CTNND2: variants seen among roughly 807,000 people sequenced by gnomAD.
CTNND2 encodes the protein catenin delta-2.
In CTNND2, 22 loss-of-function variants were observed where a neutral mutation model predicts 144.4. That is an observed-to-expected ratio of 0.15 (90% CI 0.11 to 0.22). The LOEUF is 0.22. Ranked by LOEUF, CTNND2 falls within the 10% of genes least tolerant of loss-of-function variation. The pLI, the probability that CTNND2 is intolerant of heterozygous loss-of-function variation, is 1.00. For missense variants in CTNND2, 1,353 were observed against 1,618.8 expected (o/e 0.84, Z 2.82); for synonymous variants, 751 against 695.6 (o/e 1.08, Z -1.25).
At chr5:11,325,453 T>C (rs777785690) in intron 9 of CTNND2, among the ~76,000 whole-genome samples, 1 of 152,214 alleles carries the variant, frequency 6.6e-6, no homozygotes, top group Non-Finnish European at 1.5e-5. Flanking sequence ...AATTGTGATA[T>C]GCAATTATGA....
chr5:11,088,143 G>T (rs1198561200), intron 15 of CTNND2, among the ~76,000 whole-genome samples: 1 of 152,192 alleles, frequency 6.6e-6, no homozygotes, highest in Non-Finnish European at 1.5e-5. Flanking sequence ...TGTGCAACTG[G>T]TATCTAGAAA....
chr5:11,762,896 A>T (rs1487256509), intron 1 of CTNND2, among the ~76,000 whole-genome samples: 2 of 152,248 alleles, frequency 1.3e-5, no homozygotes, highest in Non-Finnish European at 2.9e-5. Context: ...TCTAAAATAC[A>T]GAACTCCTTT....
Position 11,857,787 on chromosome 5 carries a change from A to G in CTNND2, c.37+46030T>C, listed in dbSNP as rs116315847. On this transcript the variant is annotated intron_variant, in intron 1 of 21. Transcript: ENST00000304623. ...GGGAAATGATGCCTCTCTGCTCTAC[A>G]ATGTGTTTTGTGATCGTGCATGAGC... 4.3e-3 allele frequency among the ~76,000 whole-genome samples: 660 copies of G among 152,286 alleles called. 4 individuals are homozygous for G. The highest frequency in any genetic ancestry group is 0.015 in the African/African-American group (634 of 41,548).
intron 3 of CTNND2, among the ~76,000 whole-genome samples, chr5:11,438,622 T>C (rs145245308): frequency 6.6e-6 from 1 of 152,340 alleles, no homozygotes; most frequent in African/African-American, 2.4e-5. Flanking sequence ...ATGAACATGA[T>C]TATTAATCTT....
chr5:11,299,348 T>C (rs1407754519), intron 9 of CTNND2, among the ~76,000 whole-genome samples: 1 of 152,194 alleles, frequency 6.6e-6, no homozygotes, highest in East Asian at 1.9e-4. Context: ...GAGACCTCGT[T>C]ACTGCCATCG....
intron 2 of CTNND2, among the ~76,000 whole-genome samples, chr5:11,573,880 C>A (rs543364034): frequency 1.3e-5 from 2 of 152,100 alleles, no homozygotes. Flanking sequence ...TGCCAAATGC[C>A]TTGTTAGCCA....
At chr5:11,369,248 G>T (rs1757245389) in intron 7 of CTNND2, among the ~76,000 whole-genome samples, 1 of 152,178 alleles carries the variant, frequency 6.6e-6, no homozygotes, top group Admixed American at 6.5e-5. Flanking sequence ...CCACAAAAAG[G>T]TGACATCCTT....
intron 7 of CTNND2, among the ~76,000 whole-genome samples, chr5:11,377,111 C>T (rs1489207430): frequency 1.3e-5 from 2 of 151,142 alleles, no homozygotes; most frequent in Admixed American, 1.3e-4. Context: ...AGTGCAATGG[C>T]ACGATCTTGG....
chr5:11,880,538 CACT>C (rs1446668077), intron 1 of CTNND2, among the ~76,000 whole-genome samples: 3 of 137,184 alleles, frequency 2.2e-5, no homozygotes, highest in Non-Finnish European at 3.1e-5. Context: ...CTACCACCAC[CACT>C]ACTACTACCA....
At chr5:11,351,825 A>T (rs1440517440) in intron 8 of CTNND2, among the ~76,000 whole-genome samples, 1 of 152,208 alleles carries the variant, frequency 6.6e-6, no homozygotes, top group Non-Finnish European at 1.5e-5. Context: ...TTATGTAAAT[A>T]CAAAATAAGC....
intron 1 of CTNND2, among the ~76,000 whole-genome samples, chr5:11,806,870 T>C (rs1401244656): frequency 6.6e-6 from 1 of 152,124 alleles, no homozygotes; most frequent in South Asian, 2.1e-4. Context: ...TCCACTTTTA[T>C]TAAGCAAAAC....
chr5:11,187,396 GA>G (rs1478587911), intron 11 of CTNND2, among the ~76,000 whole-genome samples: 2 of 152,140 alleles, frequency 1.3e-5, no homozygotes. Context: ...GAACTGGCTA[GA>G]CATATGCAGA....
chr5:11,349,439 T>G (rs1399290175), intron 8 of CTNND2, among the ~76,000 whole-genome samples: 1 of 152,152 alleles, frequency 6.6e-6, no homozygotes, highest in Admixed American at 6.5e-5. Context: ...TCAGAGAGAT[T>G]AAGAAACTAG....
intron 14 of CTNND2, among the ~76,000 whole-genome samples, chr5:11,108,707 T>C (rs755233757): frequency 3.3e-5 from 5 of 152,198 alleles, no homozygotes; most frequent in African/African-American, 4.8e-5. Context: ...TATTTAGTTT[T>C]TGTTTTTCTC....
At chr5:11,460,774 A>G (rs915206150) in intron 3 of CTNND2, among the ~76,000 whole-genome samples, 1 of 152,126 alleles carries the variant, frequency 6.6e-6, no homozygotes, top group African/African-American at 2.4e-5. Flanking sequence ...CACTCTGGCC[A>G]GGAACTGTGG....
At chr5:11,449,095 G>A (rs907089463) in intron 3 of CTNND2, among the ~76,000 whole-genome samples, 1 of 151,796 alleles carries the variant, frequency 6.6e-6, no homozygotes, top group South Asian at 2.1e-4. Flanking sequence ...CAATTGTCTA[G>A]GTATCTAAAA....
intron 16 of CTNND2, among the ~76,000 whole-genome samples, chr5:11,055,932 T>C (rs192634812): frequency 1.3e-5 from 2 of 152,272 alleles, no homozygotes; most frequent in East Asian, 1.9e-4. Flanking sequence ...TGCAATAAAG[T>C]TGGGCTTGAG....
chr5:11,723,224 TAACTA>T (rs1786785841), intron 2 of CTNND2, among the ~76,000 whole-genome samples: 1 of 152,140 alleles, frequency 6.6e-6, no homozygotes, highest in Non-Finnish European at 1.5e-5. Flanking sequence ...TTTTTCCTCT[TAACTA>T]AAACAAGGTA....
chr5:11,857,341 G>A (rs1216961461), intron 1 of CTNND2, among the ~76,000 whole-genome samples: 2 of 152,152 alleles, frequency 1.3e-5, no homozygotes, highest in African/African-American at 2.4e-5. Flanking sequence ...CGATACAAAG[G>A]CACCGAGGCA....
Sources: gnomAD v4.1 joint callset for allele counts (sites outside exome capture counted in the v4.1 genomes callset) on GRCh38, gnomAD v4.1.1 for gene constraint, MANE v1.5 for transcripts, NCBI Gene and HGNC (gene_info 2026-07-23, HGNC 2026-07-21) for gene names.